LDLRAD3: variants seen among roughly 807,000 people sequenced by gnomAD.
LDLRAD3 encodes the protein low-density lipoprotein receptor class A domain-containing protein 3.
A neutral mutation model predicts 29.4 loss-of-function variants in LDLRAD3; 20 were observed. That is an observed-to-expected ratio of 0.68 (90% CI 0.48 to 0.99). The LOEUF (loss-of-function observed/expected upper bound fraction) is 0.99, where lower values mean the gene tolerates loss of function less well. Among genes scored for constraint, LDLRAD3 ranks in the 50% least tolerant of loss-of-function variants. LDLRAD3 has a pLI of 0.00. For synonymous variants in LDLRAD3, 157 were observed against 192.7 expected, an observed-to-expected ratio of 0.81 and a Z score of 1.53; for missense variants, 420 against 454.3, an observed-to-expected ratio of 0.92 and a Z score of 0.69.
At chr11:36,024,393 C>G (rs1315292677) in intron 1 of LDLRAD3, among the ~76,000 whole-genome samples, 2 of 152,138 alleles carry the variant, frequency 1.3e-5, no homozygotes. Flanking sequence ...TATCATCCCT[C>G]TATCCCTCAG....
intron 4 of LDLRAD3, among the ~76,000 whole-genome samples, chr11:36,221,436 G>T (rs1442279639): frequency 1.3e-5 from 2 of 152,120 alleles, no homozygotes; most frequent in South Asian, 2.1e-4. Context: ...TCAGTAAGGG[G>T]TCTCCAAGTG....
intron 1 of LDLRAD3, among the ~76,000 whole-genome samples, chr11:35,952,289 T>C (rs1851145458): frequency 1.3e-5 from 2 of 152,204 alleles, no homozygotes; most frequent in South Asian, 4.1e-4. Flanking sequence ...CAAGTCTGTA[T>C]GTGTTGGGAG....
chr11:36,069,252 G>A (rs539140690), intron 2 of LDLRAD3, among the ~76,000 whole-genome samples: 1 of 152,128 alleles, frequency 6.6e-6, no homozygotes, highest in African/African-American at 2.4e-5. Context: ...GAGCTCCCCC[G>A]TTTAGCCCCC....
At chr11:36,220,339 C>T (rs1023531728) in intron 4 of LDLRAD3, among the ~76,000 whole-genome samples, 28 of 152,044 alleles carry the variant, frequency 1.8e-4, no homozygotes, top group African/African-American at 6.8e-4. Context: ...ATCTCTCAGC[C>T]CTATGTATGC....
intron 3 of LDLRAD3, among the ~76,000 whole-genome samples, chr11:36,095,810 C>A (rs955788912): frequency 6.6e-6 from 1 of 152,168 alleles, no homozygotes; most frequent in Admixed American, 6.5e-5. Context: ...GAATGCCTTT[C>A]CCAGGCTGTC....
chr11:36,144,575 G>A (rs1854142951), intron 4 of LDLRAD3, among the ~76,000 whole-genome samples: 1 of 149,740 alleles, frequency 6.7e-6, no homozygotes, highest in South Asian at 2.2e-4. Flanking sequence ...TCTCTGCCCG[G>A]CCGCCCCGTC....
chr11:35,944,336 C>CT lies in LDLRAD3; in HGVS notation c.46+193dup, dbSNP rs1590670686. Among the ~76,000 whole-genome samples, 1 of 151,792 alleles carries CT rather than the reference C, an allele frequency of 6.6e-6. No homozygotes were observed. Among genetic ancestry groups the CT allele is most frequent in the African/African-American group, 2.4e-5 (1 of 41,374 alleles). ...GGGCCGCCGCGGGGTGCGAGCCGTC[C>CT]TATTGTGTGGGCGTGCGCGCCGGGT... is the stretch of plus-strand genomic sequence containing the variant. On this transcript the variant is annotated intron_variant, in intron 1 of 5. Coordinates refer to ENST00000315571, the MANE Select transcript of LDLRAD3 (RefSeq NM_174902.4). This position sits in a 1 kb window ranked among gnomAD's most constrained non-coding sequence, Gnocchi z 4.9.
intron 1 of LDLRAD3, among the ~76,000 whole-genome samples, chr11:35,994,956 A>C (rs12279984): frequency 0.018 from 2,793 of 152,184 alleles, 90 homozygotes; most frequent in African/African-American, 0.064. Context: ...TGCTCTTTCC[A>C]CTACATCTGC....
chr11:36,173,235 G>A (rs947955881), intron 4 of LDLRAD3, among the ~76,000 whole-genome samples: 1 of 151,784 alleles, frequency 6.6e-6, no homozygotes. Flanking sequence ...TGTGCACAAT[G>A]TGCAGGTTTG....
intron 1 of LDLRAD3, among the ~76,000 whole-genome samples, chr11:35,947,762 C>A (rs1851076220): frequency 6.6e-6 from 1 of 152,152 alleles, no homozygotes; most frequent in Non-Finnish European, 1.5e-5. Flanking sequence ...TTCTCTTTGC[C>A]CCCTACCTGG....
At chr11:36,076,222 GTCCATCCATCCA>G (rs56767260) in intron 2 of LDLRAD3, among the ~76,000 whole-genome samples, 25 of 145,512 alleles carry the variant, frequency 1.7e-4, no homozygotes, top group Non-Finnish European at 1.1e-4. Flanking sequence ...CTGTCCATCC[GTCCATCCATCCA>G]TCCATCCATC....
intron 4 of LDLRAD3, among the ~76,000 whole-genome samples, chr11:36,116,474 A>G (rs1445194215): frequency 1.3e-5 from 2 of 152,172 alleles, no homozygotes; most frequent in South Asian, 2.1e-4. Flanking sequence ...TATTGTCTAA[A>G]GTGCCCACTA....
chr11:36,173,118 G>T (rs955620063), intron 4 of LDLRAD3, among the ~76,000 whole-genome samples: 1 of 151,952 alleles, frequency 6.6e-6, no homozygotes, highest in Non-Finnish European at 1.5e-5. Context: ...GTGTGTAAGG[G>T]TATTCATAGT....
intron 2 of LDLRAD3, among the ~76,000 whole-genome samples, chr11:36,077,158 A>G (rs147421897): frequency 6.6e-6 from 1 of 152,102 alleles, no homozygotes; most frequent in Non-Finnish European, 1.5e-5. Context: ...TCATCCTGTT[A>G]TCTTGTCTGA....
chr11:36,054,685 G>A (rs1354668430), intron 2 of LDLRAD3, among the ~76,000 whole-genome samples: 1 of 151,250 alleles, frequency 6.6e-6, no homozygotes, highest in East Asian at 2.0e-4. Flanking sequence ...ATGGGTGGAT[G>A]CATAGATGAA....
intron 4 of LDLRAD3, among the ~76,000 whole-genome samples, chr11:36,191,538 G>GTCTCTCTCTCTCTCTCTC (rs751965155): frequency 4.0e-4 from 22 of 55,682 alleles, no homozygotes; most frequent in Non-Finnish European, 6.2e-4. Flanking sequence ...GCAAGACCCT[G>GTCTCTCTCTCTCTCTCTC]TCTCTCTCTC....
chr11:36,025,989 A>G lies in LDLRAD3; in HGVS notation c.47-10114A>G, dbSNP rs532366770. On this transcript the variant is annotated intron_variant, in intron 1 of 5. Transcript: ENST00000315571. Reference sequence around the variant, plus strand: ...GAGACGGGGTTTCACCATGTTGGTCAGGCTGGTCTCAAACTCCCGACCTTA... The same window carrying G: ...GAGACGGGGTTTCACCATGTTGGTCGGGCTGGTCTCAAACTCCCGACCTTA... 4.0e-5 allele frequency among the ~76,000 whole-genome samples: 6 copies of G among 149,562 alleles called. No homozygotes were observed. The East Asian group carries it at 1.2e-3, about 31-fold the overall frequency.
chr11:36,001,351 G>A (rs575332769), intron 1 of LDLRAD3, among the ~76,000 whole-genome samples: 185 of 152,066 alleles, frequency 1.2e-3, no homozygotes, highest in Admixed American at 2.7e-3. Context: ...ATCCCTCCCC[G>A]CTCCCCCAAG....
rs375529478 is a variant in LDLRAD3, at chr11:36,222,230, A to G, written c.455-4855A>G. Among the ~76,000 whole-genome samples, 9 of 152,158 alleles carry G rather than the reference A, an allele frequency of 5.9e-5. 1 individual carries two copies. The highest frequency in any genetic ancestry group is 1.3e-4 in the Admixed American group (2 of 15,292). On this transcript the variant is annotated intron_variant, in intron 4 of 5. Transcript: ENST00000315571. ...ACTACAGGCACATGCCACTACGCCC[A>G]GCTAATTTACTAAATTATTACATTT...
Sources: gnomAD v4.1 joint callset for allele counts (sites outside exome capture counted in the v4.1 genomes callset) on GRCh38, gnomAD v4.1.1 for gene constraint, Gnocchi (gnomAD v3.1) non-coding constraint, MANE v1.5 for transcripts, NCBI Gene and HGNC (gene_info 2026-07-23, HGNC 2026-07-21) for gene names.